Variants in SEPTIN9 observed in about 807,000 individuals in gnomAD.
SEPTIN9 encodes the protein septin-9.
A neutral mutation model predicts 56.6 loss-of-function variants in SEPTIN9; 13 were observed. The ratio of observed to expected loss-of-function variants is 0.23; its 90% CI spans 0.15 to 0.37. The LOEUF (loss-of-function observed/expected upper bound fraction) is 0.37. Ranked by LOEUF, SEPTIN9 falls within the 10% of genes least tolerant of loss-of-function variation. The pLI is 1.00. For missense variants in SEPTIN9, 650 were observed against 823.1 expected, an observed-to-expected ratio of 0.79 and a Z score of 2.57; for synonymous variants, 332 against 334.1, an observed-to-expected ratio of 0.99 and a Z score of 0.07.
intron 2 of SEPTIN9, among the ~76,000 whole-genome samples, chr17:77,349,980 A>G (rs967886607): frequency 6.6e-6 from 1 of 152,178 alleles, no homozygotes; most frequent in African/African-American, 2.4e-5. Flanking sequence ...ACAGTCCAGA[A>G]AAGTGGAATT....
rs2032828515 is a variant in SEPTIN9 at position 77,319,560 on chromosome 17, C to T, written c.76+12363C>T. On this transcript the variant is annotated intron_variant, in intron 2 of 11. Coordinates refer to ENST00000427177, the MANE Select transcript of SEPTIN9 (RefSeq NM_001113491.2). This position sits in a 1 kb window ranked among gnomAD's most constrained non-coding sequence, Gnocchi z 5.3. ...AATGGGACGGAGGGGGGTGACTTCT[C>T]AGGGTTCCTCCTGGGCAGGTGCTCC... 1.9e-6 allele frequency: 2 copies of T among 1,055,740 alleles called. No individual in the cohort carries two copies. The highest frequency in any genetic ancestry group is 2.3e-6 in the Non-Finnish European group (2 of 873,394). The allele number at this position is 1,055,740 out of a possible 1,614,324, so 65.4% of individuals were successfully genotyped here.
intron 2 of SEPTIN9, among the ~76,000 whole-genome samples, chr17:77,395,010 G>C (rs1360527403): frequency 6.6e-6 from 1 of 152,082 alleles, no homozygotes; most frequent in Non-Finnish European, 1.5e-5. Context: ...GGATGGGGAT[G>C]GGCCAGCATG....
chr17:77,419,953 C>G (rs1402083302), intron 3 of SEPTIN9: 1 of 152,290 alleles, frequency 6.6e-6, no homozygotes, highest in Admixed American at 6.5e-5. Context: ...GGGGGCATGG[C>G]TGGGGAGGAT....
intron 3 of SEPTIN9, among the ~76,000 whole-genome samples, chr17:77,426,180 G>A (rs369825908): frequency 1.3e-4 from 19 of 151,976 alleles, no homozygotes; most frequent in African/African-American, 3.9e-4. Flanking sequence ...TCCCGAATCC[G>A]AGTGCCCTCT....
rs1479142908 is a variant in SEPTIN9, at chr17:77,490,879, T to A, written c.1380+20T>A. The A allele has an allele frequency of 2.6e-6, 4 of 1,538,132 alleles. No homozygotes were observed. The highest frequency in any genetic ancestry group is 2.6e-6 in the Non-Finnish European group (3 of 1,132,580). ...CAGCGGGTAGGGTTCCATCTCTACT[T>A]GCCCCAGCCCTTCTGTGCAACCTGG... On this transcript the variant is annotated intron_variant, in intron 8 of 11. Coordinates refer to ENST00000427177, the MANE Select transcript of SEPTIN9 (RefSeq NM_001113491.2).
At position 77,369,046 on chromosome 17, in the gene SEPTIN9, C is replaced by G. The variant is rs1399390537; in HGVS notation, c.77-33013C>G. Among the ~76,000 whole-genome samples, 2 of 152,092 alleles carry G rather than the reference C, an allele frequency of 1.3e-5. No individual in the cohort carries two copies. On this transcript the variant is annotated intron_variant, in intron 2 of 11. Coordinates refer to ENST00000427177, the MANE Select transcript of SEPTIN9 (RefSeq NM_001113491.2). This position sits in a 1 kb window ranked among gnomAD's most constrained non-coding sequence, Gnocchi z 4.9. ...CATCTGAGTTCAAAACCAGCCTGGC[C>G]AGCAGGGTGAATCCTCATCTCTAGT...
intron 3 of SEPTIN9, among the ~76,000 whole-genome samples, chr17:77,461,636 A>G (rs1305407994): frequency 6.6e-6 from 1 of 152,254 alleles, no homozygotes; most frequent in African/African-American, 2.4e-5. Flanking sequence ...TTTAAAATCT[A>G]CAGTTCAATG....
intron 3 of SEPTIN9, among the ~76,000 whole-genome samples, chr17:77,473,081 C>T (rs1598429601): frequency 6.6e-6 from 1 of 152,206 alleles, no homozygotes. Flanking sequence ...CATTCCTTAT[C>T]GTCTCTGTCC....
intron 2 of SEPTIN9, among the ~76,000 whole-genome samples, chr17:77,385,369 G>A (rs944246991): frequency 6.6e-6 from 1 of 151,142 alleles, no homozygotes; most frequent in Non-Finnish European, 1.5e-5. Flanking sequence ...GGCTGCTGGG[G>A]ACTTGGAGTT....
chr17:77,398,625 C>T (rs1300990993), intron 2 of SEPTIN9, among the ~76,000 whole-genome samples: 1 of 152,182 alleles, frequency 6.6e-6, no homozygotes, highest in African/African-American at 2.4e-5. Flanking sequence ...AAGATGGACA[C>T]CCCCAGAGTG....
In SEPTIN9 at chr17:77,292,450, C is replaced by T. The variant is rs112644279; in HGVS notation, c.19+10896C>T. ...AGCCTTTTCCCGCATCCTGGGGTAT[C>T]GTCCTGTGGCTCTTCCTTGTTGGAG... On this transcript the variant is annotated intron_variant, in intron 1 of 11. Coordinates refer to ENST00000427177, the MANE Select transcript of SEPTIN9 (RefSeq NM_001113491.2). Among the ~76,000 whole-genome samples, 937 of 151,864 alleles carry T rather than the reference C, an allele frequency of 6.2e-3. 12 individuals are homozygous for T. Among genetic ancestry groups the T allele is most frequent in the African/African-American group, 0.021 (887 of 41,400 alleles).
intron 2 of SEPTIN9, among the ~76,000 whole-genome samples, chr17:77,392,757 T>G (rs2035586320): frequency 6.6e-6 from 1 of 151,992 alleles, no homozygotes; most frequent in African/African-American, 2.4e-5. Context: ...AGGGAGCGCC[T>G]CCTCCGCCTT....
intron 2 of SEPTIN9, among the ~76,000 whole-genome samples, chr17:77,382,869 C>T (rs1223165260): frequency 6.6e-6 from 1 of 152,042 alleles, no homozygotes; most frequent in Non-Finnish European, 1.5e-5. Flanking sequence ...GGGTCCCTCC[C>T]TAGCCCCGCT....
chr17:77,335,660 A>C (rs1356116779), intron 2 of SEPTIN9, among the ~76,000 whole-genome samples: 1 of 140,138 alleles, frequency 7.1e-6, no homozygotes, highest in African/African-American at 2.7e-5. Context: ...ACATATATAC[A>C]TGTAGGCCCT....
intron 1 of SEPTIN9, among the ~76,000 whole-genome samples, chr17:77,282,726 C>T (rs1158962671): frequency 6.6e-6 from 1 of 152,236 alleles, no homozygotes; most frequent in Non-Finnish European, 1.5e-5. Flanking sequence ...TCTACGCACC[C>T]GGAGCACAGC....
intron 2 of SEPTIN9, chr17:77,373,056 G>C: frequency 5.3e-6 from 2 of 380,946 alleles, no homozygotes; most frequent in Non-Finnish European, 7.3e-6. Context: ...ACATCTGGCC[G>C]CAGCGGGGCG....
chr17:77,425,974 C>T lies in SEPTIN9; in HGVS notation c.721+23271C>T, dbSNP rs2036892838. 6.6e-6 allele frequency among the ~76,000 whole-genome samples: 1 copy of T among 152,174 alleles called. No individual in the cohort carries two copies. The highest frequency in any genetic ancestry group is 1.5e-5 in the Non-Finnish European group (1 of 68,036). Reference sequence around the variant, plus strand: ...AGTGTGTGCGGCTGTGAGTTCAGGCCATGCCCTCAGACTGGAGGATAGGAT... The same window carrying T: ...AGTGTGTGCGGCTGTGAGTTCAGGCTATGCCCTCAGACTGGAGGATAGGAT... On this transcript the variant is annotated intron_variant, in intron 3 of 11. Transcript: ENST00000427177. The surrounding 1 kb of genome is among the most constrained non-coding windows in gnomAD (Gnocchi z 4.2).
chr17:77,436,478 G>A lies in SEPTIN9; in HGVS notation c.721+33775G>A, dbSNP rs911666726. On this transcript the variant is annotated intron_variant, in intron 3 of 11. Coordinates refer to ENST00000427177, the MANE Select transcript of SEPTIN9 (RefSeq NM_001113491.2). The surrounding 1 kb of genome is among the most constrained non-coding windows in gnomAD (Gnocchi z 4.4). The stretch of plus-strand genomic sequence containing the variant: ...TTCTCCCCGCAGATGGGACGGGGGC[G>A]GGGCTGGAGCCAGCGGGGTGGGGGT... 3.9e-5 allele frequency among the ~76,000 whole-genome samples: 6 copies of A among 152,154 alleles called. No homozygotes were observed. Among genetic ancestry groups the A allele is most frequent in the Non-Finnish European group, 5.9e-5 (4 of 68,018 alleles).
chr17:77,440,157 A>T (rs542895318), intron 3 of SEPTIN9, among the ~76,000 whole-genome samples: 15 of 151,768 alleles, frequency 9.9e-5, no homozygotes, highest in African/African-American at 1.4e-4. Flanking sequence ...CCTTTTTTTT[A>T]AATTTATTTT....
Sources: allele counts gnomAD v4.1 joint callset (sites outside exome capture counted in the v4.1 genomes callset), GRCh38; gene constraint gnomAD v4.1.1; non-coding constraint Gnocchi (gnomAD v3.1); transcripts MANE v1.5; gene names NCBI Gene and HGNC (gene_info 2026-07-23, HGNC 2026-07-21).